The following FUT8 variants were observed in gnomAD, a reference collection of about 807,000 sequenced individuals.
The protein encoded by FUT8 is fucosyltransferase 8.
In FUT8, 29 loss-of-function variants were observed where a neutral mutation model predicts 71.3. The observed-to-expected ratio is 0.41, with a 90% CI of 0.30 to 0.55. The LOEUF (loss-of-function observed/expected upper bound fraction) is 0.55. FUT8 is among the 20% of genes least tolerant of loss of function. The probability of loss-of-function intolerance (pLI) is 0.34; values close to 1 mark genes in which losing one functional copy is unlikely to be tolerated. For synonymous variants in FUT8, 254 were observed against 239.3 expected (o/e 1.06, Z -0.57); for missense variants, 544 against 702.1 (o/e 0.77, Z 2.55).
At chr14:65,458,981 G>T (rs2065934737) in intron 2 of FUT8, among the ~76,000 whole-genome samples, 1 of 151,976 alleles carries the variant, frequency 6.6e-6, no homozygotes, top group African/African-American at 2.4e-5. Context: ...AAGAGATGGG[G>T]TTTCACCATG....
chr14:65,558,242 G>C (rs1407259278), intron 2 of FUT8, among the ~76,000 whole-genome samples: 1 of 148,026 alleles, frequency 6.8e-6, no homozygotes, highest in African/African-American at 2.5e-5. Context: ...TGAGACAAGA[G>C]AATCTCTTGA....
chr14:65,407,980 C>T (rs7147536), upstream of FUT8, among the ~76,000 whole-genome samples: 99,556 of 151,876 alleles, frequency 0.66, 32,789 homozygotes, highest in East Asian at 0.77. Context: ...CTGATTGGGC[C>T]AGTTTATCCT....
At chr14:65,462,398 T>A (rs2065981397) in intron 2 of FUT8, among the ~76,000 whole-genome samples, 1 of 152,190 alleles carries the variant, frequency 6.6e-6, no homozygotes. Context: ...AATGCTGCAC[T>A]CTCAGGCTGA....
At chr14:65,617,156 T>C in intron 5 of FUT8, 1 of 1,585,948 alleles carries the variant, frequency 6.3e-7, no homozygotes, top group Non-Finnish European at 8.5e-7. Context: ...TAGCACAACC[T>C]ACTACTGTGA....
intron 7 of FUT8, among the ~76,000 whole-genome samples, chr14:65,702,393 G>A (rs192760139): frequency 1.1e-4 from 17 of 151,438 alleles, no homozygotes; most frequent in African/African-American, 2.4e-4. Flanking sequence ...ACAACTTTGC[G>A]GATTAATTGA....
At chr14:65,389,313 G>A in the FUT8 span, among the ~76,000 whole-genome samples, 3 of 151,622 alleles carry the variant, frequency 2.0e-5, no homozygotes, top group Non-Finnish European at 2.9e-5. Context: ...GGGCTCAAGC[G>A]ATCCTCCCAC....
At chr14:65,445,916 C>T (rs2139512391) in intron 1 of FUT8, among the ~76,000 whole-genome samples, 1 of 152,362 alleles carries the variant, frequency 6.6e-6, no homozygotes, top group South Asian at 2.1e-4. Flanking sequence ...GTGTGAGCGA[C>T]TGTGCCCAGC....
chr14:65,593,854 G>C (rs1371498885), intron 3 of FUT8, among the ~76,000 whole-genome samples: 4 of 152,210 alleles, frequency 2.6e-5, no homozygotes, highest in Admixed American at 6.5e-5. Context: ...GGGATTACAG[G>C]CATGCACCAC....
chr14:65,373,423 A>G, the FUT8 span, among the ~76,000 whole-genome samples: 1 of 151,614 alleles, frequency 6.6e-6, no homozygotes, highest in South Asian at 2.1e-4. Flanking sequence ...GAAGAAAGGA[A>G]GCGTCTGAAT....
At chr14:65,629,422 C>T in intron 5 of FUT8, 70 bp from the exon 6 acceptor site, 2 of 932,152 alleles carry the variant, frequency 2.1e-6, no homozygotes, top group Non-Finnish European at 3.4e-6. Context: ...TGGCATTCTT[C>T]TTAAGACTTT....
At chr14:65,620,961 C>G (rs1467463552) in intron 5 of FUT8, among the ~76,000 whole-genome samples, 2 of 152,116 alleles carry the variant, frequency 1.3e-5, no homozygotes, top group African/African-American at 2.4e-5. Flanking sequence ...GATAATGATT[C>G]TTCATCGCCT....
intron 2 of FUT8, among the ~76,000 whole-genome samples, chr14:65,516,593 A>G (rs1164291173): frequency 1.3e-5 from 2 of 152,174 alleles, no homozygotes; most frequent in African/African-American, 2.4e-5. Context: ...AAAACTCGGT[A>G]ATTATTTTTG....
intron 9 of FUT8, among the ~76,000 whole-genome samples, chr14:65,730,256 CTA>C (rs1433169029): frequency 7.9e-5 from 12 of 152,330 alleles, no homozygotes; most frequent in African/African-American, 2.9e-4. Context: ...AGAGGAGAAT[CTA>C]TTTTCTGTGT....
At position 65,643,231 on chromosome 14, in the gene FUT8, T is replaced by G. The variant is rs1183331035; in HGVS notation, c.597+13625T>G. On this transcript the variant is annotated intron_variant, in intron 6 of 10. Transcript: ENST00000673929. This position sits in a 1 kb window ranked among gnomAD's most constrained non-coding sequence, Gnocchi z 4.5. The stretch of plus-strand genomic sequence containing the variant: ...TGACAGCATTTTGACATTTTTCAGT[T>G]TACATATTTTTATATATTCAAATTC... Among the ~76,000 whole-genome samples the G allele has an allele frequency of 1.3e-5, 2 of 152,170 alleles. No homozygotes were observed. The highest frequency in any genetic ancestry group is 3.8e-4 in the East Asian group (2 of 5,202).
intron 6 of FUT8, among the ~76,000 whole-genome samples, chr14:65,666,247 A>G (rs10144478): frequency 0.014 from 2,118 of 152,194 alleles, 48 homozygotes; most frequent in African/African-American, 0.049. Context: ...CTGAAATCCA[A>G]TCCAGCAGGA....
chr14:65,595,643 C>T (rs977331274), intron 3 of FUT8, among the ~76,000 whole-genome samples: 1 of 113,544 alleles, frequency 8.8e-6, no homozygotes, highest in Admixed American at 1.3e-4. Context: ...GAGTCTCTCT[C>T]TGTCACCCAG....
chr14:65,566,430 A>G (rs1027018011), intron 3 of FUT8, among the ~76,000 whole-genome samples: 11 of 152,020 alleles, frequency 7.2e-5, no homozygotes, highest in African/African-American at 2.4e-4. Flanking sequence ...ACAGAAGGGA[A>G]GTTGAATAGA....
chr14:65,734,749 C>T (rs1469912311), intron 10 of FUT8, among the ~76,000 whole-genome samples: 1 of 152,178 alleles, frequency 6.6e-6, no homozygotes, highest in Non-Finnish European at 1.5e-5. Context: ...CTTATTGTTA[C>T]AATGAGTGAA....
chr14:65,464,269 T>TTTTG (rs1555362917), intron 2 of FUT8, among the ~76,000 whole-genome samples: 1 of 150,852 alleles, frequency 6.6e-6, no homozygotes, highest in East Asian at 1.9e-4. Flanking sequence ...GTTTTTTTTT[T>TTTTG]TTTTTTTTTT....
Sources: gnomAD v4.1 joint callset for allele counts (sites outside exome capture counted in the v4.1 genomes callset) on GRCh38, gnomAD v4.1.1 for gene constraint, Gnocchi (gnomAD v3.1) non-coding constraint, MANE v1.5 for transcripts, NCBI Gene and HGNC (gene_info 2026-07-23, HGNC 2026-07-21) for gene names.